MAGI2: variants seen among roughly 807,000 people sequenced by gnomAD.
MAGI2 encodes membrane associated guanylate kinase, WW and PDZ domain containing 2.
In MAGI2, 35 loss-of-function variants were observed where a neutral mutation model predicts 133.3. The observed-to-expected ratio is 0.26, with a 90% CI of 0.20 to 0.35. MAGI2 has a LOEUF of 0.35. Among genes scored for constraint, MAGI2 ranks in the 10% least tolerant of loss-of-function variants. The pLI, the probability that MAGI2 is intolerant of heterozygous loss-of-function variation, is 1.00. For missense variants in MAGI2, 1,636 were observed against 1,863.4 expected (o/e 0.88, Z 2.25); for synonymous variants, 729 against 710.6 (o/e 1.03, Z -0.41).
chr7:78,306,258 C>A (rs1477500360), intron 9 of MAGI2, among the ~76,000 whole-genome samples: 1 of 152,154 alleles, frequency 6.6e-6, no homozygotes, highest in African/African-American at 2.4e-5. Context: ...CATCCAACCC[C>A]TTGTCTCCCT....
intron 2 of MAGI2, among the ~76,000 whole-genome samples, chr7:79,003,817 A>G (rs1657978699): frequency 6.6e-6 from 1 of 152,228 alleles, no homozygotes; most frequent in South Asian, 2.1e-4. Context: ...TCTCAAAAGA[A>G]GACATGCAAA....
chr7:78,609,947 T>C (rs961051748), intron 3 of MAGI2, among the ~76,000 whole-genome samples: 1 of 152,140 alleles, frequency 6.6e-6, no homozygotes, highest in Non-Finnish European at 1.5e-5. Context: ...GTAACTATTG[T>C]ATCTCTTGGT....
chr7:78,670,603 C>T (rs891062889), intron 2 of MAGI2, among the ~76,000 whole-genome samples: 11 of 152,154 alleles, frequency 7.2e-5, no homozygotes, highest in Middle Eastern at 3.4e-3. Flanking sequence ...AAAAAGAGCC[C>T]GCATTGCCAA....
At chr7:78,220,239 C>A (rs1046659366) in intron 10 of MAGI2, among the ~76,000 whole-genome samples, 7 of 152,306 alleles carry the variant, frequency 4.6e-5, no homozygotes, top group Admixed American at 1.3e-4. Flanking sequence ...GATTGCCTGG[C>A]ACGAAGTTAC....
intron 3 of MAGI2, among the ~76,000 whole-genome samples, chr7:78,603,062 G>T (rs933922859): frequency 6.6e-6 from 1 of 152,130 alleles, no homozygotes; most frequent in Non-Finnish European, 1.5e-5. Flanking sequence ...TCTGGGCACT[G>T]GTTGCTAGGT....
chr7:78,147,916 C>G (rs1038520977), intron 16 of MAGI2, among the ~76,000 whole-genome samples: 1 of 151,706 alleles, frequency 6.6e-6, no homozygotes, highest in Non-Finnish European at 1.5e-5. Context: ...AACCATAAAA[C>G]CTAAAAATAA....
chr7:79,007,226 C>T lies in MAGI2; in HGVS notation c.302-20G>A. 1 of 1,436,632 alleles carries T rather than the reference C, an allele frequency of 7.0e-7. No individual in the cohort carries two copies. The highest frequency in any genetic ancestry group is 2.3e-5 in the East Asian group (1 of 43,822). 89.0% of individuals were successfully genotyped at this position (1,436,632 alleles called of 1,614,324 possible). On this transcript the variant is annotated intron_variant, in intron 1 of 21. Transcript: ENST00000354212. ...TTCCTCCTAAAAATAAAAAAAGTTT[C>T]TTGGTAAGGGATGTTGGAAAATATT...
At chr7:78,917,469 G>A (rs181667466) in intron 2 of MAGI2, among the ~76,000 whole-genome samples, 78 of 152,216 alleles carry the variant, frequency 5.1e-4, no homozygotes, top group African/African-American at 1.6e-3. Context: ...TGGGATAGAT[G>A]TGGTGGAGAA....
intron 1 of MAGI2, among the ~76,000 whole-genome samples, chr7:79,376,164 A>G (rs1244979774): frequency 6.6e-6 from 1 of 151,880 alleles, no homozygotes; most frequent in Non-Finnish European, 1.5e-5. Context: ...ATATGTTCAA[A>G]GCTCCCCAGT....
chr7:78,671,588 T>C (rs1249528890), intron 2 of MAGI2, among the ~76,000 whole-genome samples: 1 of 152,112 alleles, frequency 6.6e-6, no homozygotes, highest in African/African-American at 2.4e-5. Context: ...AAGCAGGGAA[T>C]GTATAAAATA....
At position 78,211,568 on chromosome 7, in the gene MAGI2, C is replaced by A. The variant is rs139400760; in HGVS notation, c.2048-10375G>T. On this transcript the variant is annotated intron_variant, in intron 10 of 21. Transcript: ENST00000354212. ...GCATGACTGTGATTGAGTCCCCTAA[C>A]CTCTCAGAGGCTCAGATTCTTTTTT... Among the ~76,000 whole-genome samples the A allele has an allele frequency of 4.4e-3, 672 of 152,258 alleles. 4 individuals are homozygous for A. The highest frequency in any genetic ancestry group is 0.016 in the African/African-American group (646 of 41,548).
At chr7:79,085,289 A>G (rs1247280505) in intron 1 of MAGI2, among the ~76,000 whole-genome samples, 3 of 151,736 alleles carry the variant, frequency 2.0e-5, no homozygotes, top group African/African-American at 7.2e-5. Flanking sequence ...TATTATGGTT[A>G]TTGTATTTTT....
At chr7:79,240,844 C>A (rs1377412219) in intron 1 of MAGI2, among the ~76,000 whole-genome samples, 7 of 152,192 alleles carry the variant, frequency 4.6e-5, no homozygotes, top group African/African-American at 1.4e-4. Flanking sequence ...TCGTTGAATT[C>A]TCTATATCTC....
At chr7:78,285,192 C>T (rs1319403659) in intron 9 of MAGI2, among the ~76,000 whole-genome samples, 1 of 152,018 alleles carries the variant, frequency 6.6e-6, no homozygotes, top group Admixed American at 6.6e-5. Context: ...CCAAAACCTC[C>T]CACATGAGAA....
chr7:78,764,221 G>T (rs1434827075), intron 2 of MAGI2, among the ~76,000 whole-genome samples: 2 of 151,844 alleles, frequency 1.3e-5, no homozygotes, highest in Admixed American at 1.3e-4. Flanking sequence ...AGCTATACTG[G>T]GCACTTTCAA....
intron 1 of MAGI2, among the ~76,000 whole-genome samples, chr7:79,126,287 TC>T (rs1820400172): frequency 6.6e-6 from 1 of 152,220 alleles, no homozygotes; most frequent in Non-Finnish European, 1.5e-5. Flanking sequence ...CTGGTTGTAT[TC>T]CTTTGGGAAT....
In MAGI2 at chr7:79,060,634, G is replaced by C. The variant is rs558749675; in HGVS notation, c.302-53428C>G. Among the ~76,000 whole-genome samples the C allele has an allele frequency of 2.6e-5, 4 of 152,176 alleles. No individual in the cohort carries two copies. The East Asian group carries it at 5.8e-4, about 22-fold the overall frequency. ...GAGTAAACAATATGTGTTGGAGAGT[G>C]ACATAGCTAATCTGCAAAGAGACCA... On this transcript the variant is annotated intron_variant, in intron 1 of 21. Transcript: ENST00000354212.
chr7:78,070,416 G>GTA (rs1280508706), intron 21 of MAGI2, among the ~76,000 whole-genome samples: 7 of 145,560 alleles, frequency 4.8e-5, no homozygotes, highest in African/African-American at 1.0e-4. Flanking sequence ...ATGTGTGTGT[G>GTA]TATATATATA....
chr7:79,406,162 G>T (rs189031994), intron 1 of MAGI2, among the ~76,000 whole-genome samples: 1 of 151,924 alleles, frequency 6.6e-6, no homozygotes, highest in African/African-American at 2.4e-5. Context: ...GGTTTTTTTG[G>T]CAATTGAAAT....
Sources: gnomAD v4.1 joint callset for allele counts (sites outside exome capture counted in the v4.1 genomes callset) on GRCh38, gnomAD v4.1.1 for gene constraint, MANE v1.5 for transcripts, NCBI Gene and HGNC (gene_info 2026-07-23, HGNC 2026-07-21) for gene names.